DNAH10: variants seen among roughly 807,000 people sequenced by gnomAD.
DNAH10 encodes dynein axonemal heavy chain 10.
A neutral mutation model predicts 506.6 loss-of-function variants in DNAH10; 348 were observed. The ratio of observed to expected loss-of-function variants is 0.69; its 90% CI spans 0.63 to 0.75. DNAH10 has a LOEUF of 0.75. DNAH10 is among the 30% of genes least tolerant of loss of function. The pLI is 0.00. For missense variants in DNAH10, 5,179 were observed against 5,787.1 expected, an observed-to-expected ratio of 0.89 and a Z score of 3.41; for synonymous variants, 2,059 against 2,198.6, an observed-to-expected ratio of 0.94 and a Z score of 1.78.
At position 123,762,388 on chromosome 12, in the gene DNAH10, G is replaced by A. The variant is rs1593932323; in HGVS notation, c.52G>A (p.Gly18Ser). Reference sequence around the variant, plus strand: ...GCGCGACCGCGTGTATGCGGCTTTCGGCATCACCGACCCCCAGCTTTTCGA... The same window carrying A: ...GCGCGACCGCGTGTATGCGGCTTTCAGCATCACCGACCCCCAGCTTTTCGA... ...WMRDRVYAAFGITDPQLFEDL... is the reference protein window; with the variant it reads ...WMRDRVYAAFSITDPQLFEDL... Residue 18 changes from glycine (G) to serine (S), a missense_variant, in exon 1 of 79, where the codon GGC becomes AGC. By Grantham distance (56) the Gly-to-Ser change is moderately conservative. Around this residue, in one of 3 missense-constraint regions of DNAH10, gnomAD observed 326 missense variants for 330.8 expected, o/e 0.99. Transcript: ENST00000673944. This position sits in a 1 kb window ranked among gnomAD's most constrained non-coding sequence, Gnocchi z 5.0. 2.9e-6 allele frequency: 4 copies of A among 1,385,556 alleles called. No individual in the cohort carries two copies. The East Asian group carries it at 8.8e-5, about 31-fold the overall frequency. The allele number at this position is 1,385,556 out of a possible 1,614,324, so 85.8% of individuals were successfully genotyped here.
chr12:123,838,538 G>A lies in DNAH10; in HGVS notation c.4985G>A (p.Ser1662Asn). ...CGCCTCAGTGACCTACAGAACGTCA[G>A]CGAGGGCCTGGAGAAATGCCAGAAA... ...PNRLSDLQNVSEGLEKCQKSL... is the reference protein window; with the variant it reads ...PNRLSDLQNVNEGLEKCQKSL... Residue 1662 changes from serine to asparagine, a missense_variant, in exon 29 of 79, where the codon AGC becomes AAC. By Grantham distance (46) the Ser-to-Asn change is conservative. Coordinates refer to ENST00000673944, the MANE Select transcript of DNAH10 (RefSeq NM_001372106.1). 1 of 1,614,044 alleles carries A rather than the reference G, an allele frequency of 6.2e-7. No individual in the cohort carries two copies. The highest frequency in any genetic ancestry group is 8.5e-7 in the Non-Finnish European group (1 of 1,179,898).
chr12:123,843,015 G>A (rs968203859), intron 30 of DNAH10, among the ~76,000 whole-genome samples: 19 of 152,148 alleles, frequency 1.2e-4, no homozygotes, highest in African/African-American at 4.6e-4. Flanking sequence ...TATCTTTTCT[G>A]CTCCAAAATA....
In DNAH10 at chr12:123,909,844, A is replaced by G. The variant is rs553345700; in HGVS notation, c.9997+402A>G. ...CCCCTTTCTCCTCTTGTCAGTGTCAAGTCTTCTGGAGGTCCCTGGGGAGTG... is the reference window on the plus strand; with the variant it reads ...CCCCTTTCTCCTCTTGTCAGTGTCAGGTCTTCTGGAGGTCCCTGGGGAGTG... On this transcript the variant is annotated intron_variant, in intron 58 of 78. Coordinates refer to ENST00000673944, the MANE Select transcript of DNAH10 (RefSeq NM_001372106.1). The surrounding 1 kb of genome is among the most constrained non-coding windows in gnomAD (Gnocchi z 5.4). 1.3e-5 allele frequency among the ~76,000 whole-genome samples: 2 copies of G among 152,220 alleles called. No homozygotes were observed. Among genetic ancestry groups the G allele is most frequent in the Non-Finnish European group, 2.9e-5 (2 of 67,992 alleles).
In DNAH10 at chr12:123,873,627, G is replaced by T; in HGVS notation, c.7855G>T (p.Val2619Leu). The T allele has an allele frequency of 6.2e-7, 1 of 1,613,938 alleles. No individual in the cohort carries two copies. Among genetic ancestry groups the T allele is most frequent in the Non-Finnish European group, 8.5e-7 (1 of 1,179,862 alleles). Residue 2619 changes from valine (V) to leucine (L), a missense_variant, in exon 46 of 79, where the codon GTG becomes TTG. This residue lies in a region of DNAH10 where 4,844 missense variants were observed against 5,430.5 expected (regional missense o/e 0.89). Transcript: ENST00000673944. ...MDIQRNLEAN[V>L]EKRTKDTYGP... ...TATCCAAAGAAATTTAGAAGCAAAT[G>T]TGGAAAAGCGAACCAAAGATACTTA...
intron 42 of DNAH10, 116 bp from the exon 43 acceptor site, chr12:123,867,778 TGAACCAACA>T: frequency 7.5e-7 from 1 of 1,327,492 alleles, no homozygotes; most frequent in Admixed American, 2.3e-5. Context: ...TCCATCTGTC[TGAACCAACA>T]TGTTGGGTCT....
intron 25 of DNAH10, 129 bp from the exon 26 acceptor site, chr12:123,830,417 T>A: frequency 9.5e-7 from 1 of 1,052,390 alleles, no homozygotes; most frequent in South Asian, 1.7e-5. Flanking sequence ...TCTAATGATG[T>A]CCTCATGTTG....
At chr12:123,786,249 G>A (rs369383952) in intron 9 of DNAH10, among the ~76,000 whole-genome samples, 102 of 151,678 alleles carry the variant, frequency 6.7e-4, no homozygotes, top group African/African-American at 2.3e-3. Context: ...CCTGGGAGGC[G>A]GAGGTTGCAG....
At chr12:123,871,182 G>T (rs139200887) in intron 44 of DNAH10, among the ~76,000 whole-genome samples, 3 of 152,342 alleles carry the variant, frequency 2.0e-5, no homozygotes, top group African/African-American at 7.2e-5. Context: ...CAACAAAGAA[G>T]CTGAGTTTTT....
Position 123,838,572 on chromosome 12 carries a change from C to T in DNAH10, c.5019C>T (p.Asn1673=), listed in dbSNP as rs372428661. 7 of 1,613,916 alleles carry T rather than the reference C, an allele frequency of 4.3e-6. No individual in the cohort carries two copies. Among genetic ancestry groups the T allele is most frequent in the Middle Eastern group, 1.6e-4 (1 of 6,084 alleles). Residue 1673 remains asparagine (N), a synonymous_variant, in exon 29 of 79, where the codon AAC becomes AAT. Transcript: ENST00000673944. ...TGGAGAAATGCCAGAAAAGCCTCAA[C>T]GACTACTTAGATTCGAAGAGAAATG... ...EGLEKCQKSL[N]DYLDSKRNAF...
chr12:123,861,321 G>A (rs182922637), intron 39 of DNAH10, among the ~76,000 whole-genome samples, 151 bp downstream of exon 39: 6 of 152,208 alleles, frequency 3.9e-5, no homozygotes, highest in Non-Finnish European at 7.3e-5. Context: ...TCGGAAGTGC[G>A]CAGTCCAATC....
intron 21 of DNAH10, among the ~76,000 whole-genome samples, chr12:123,816,554 C>G (rs1289235458): frequency 6.6e-6 from 1 of 152,200 alleles, no homozygotes; most frequent in African/African-American, 2.4e-5. Context: ...TTATGCGTCT[C>G]TTTCGTTTGG....
rs1329086406 is a variant in DNAH10 at position 123,910,629 on chromosome 12, G to A, written c.10091G>A (p.Gly3364Asp). ...CTGAAATTTGTTGAAGCTGTAATGG[G>A]CTACTGTGATGTTTTCAGAGAAATC... ...GMLKFVEAVM[G>D]YCDVFREIKP... Residue 3364 changes from glycine to aspartate, a missense_variant, in exon 59 of 79, where the codon GGC becomes GAC. Physicochemically the swap from Gly to Asp is moderately conservative, Grantham distance 94. This residue lies in a region of DNAH10 where 4,844 missense variants were observed against 5,430.5 expected (regional missense o/e 0.89). Coordinates refer to ENST00000673944, the MANE Select transcript of DNAH10 (RefSeq NM_001372106.1). 2.5e-6 allele frequency: 4 copies of A among 1,611,672 alleles called. No homozygotes were observed. The highest frequency in any genetic ancestry group is 4.5e-5 in the East Asian group (2 of 44,894).
intron 61 of DNAH10, 138 bp downstream of exon 61, chr12:123,914,688 G>A (rs964514547): frequency 1.2e-5 from 16 of 1,385,440 alleles, no homozygotes; most frequent in South Asian, 8.6e-5. Flanking sequence ...GGAAGTGGCC[G>A]GGCAAGCTGC....
chr12:123,807,803 GGA>G (rs1187909956), intron 18 of DNAH10, among the ~76,000 whole-genome samples: 3 of 129,576 alleles, frequency 2.3e-5, no homozygotes, highest in African/African-American at 5.8e-5. Flanking sequence ...AGGCAGAGGG[GGA>G]GAGAGAGAGA....
Position 123,913,211 on chromosome 12 carries a change from C to A in DNAH10, c.10248C>A (p.Ala3416=). The A allele has an allele frequency of 1.9e-6, 3 of 1,610,060 alleles. No homozygotes were observed. The highest frequency in any genetic ancestry group is 2.2e-5 in the East Asian group (1 of 44,794). Residue 3416 remains alanine, a synonymous_variant, in exon 60 of 79, where the codon GCC becomes GCA. Coordinates refer to ENST00000673944, the MANE Select transcript of DNAH10 (RefSeq NM_001372106.1). This position sits in a 1 kb window ranked among gnomAD's most constrained non-coding sequence, Gnocchi z 5.1. ...AAACATTGGGTGCCAAATATGAGGC[C>A]GCCATACTGGAAAAGCAGAAGCTGC... ...ELETLGAKYE[A]AILEKQKLQE...
At position 123,837,626 on chromosome 12, in the gene DNAH10, G is replaced by A. The variant is rs554276803; in HGVS notation, c.4903-830G>A. 5.3e-5 allele frequency among the ~76,000 whole-genome samples: 8 copies of A among 150,278 alleles called. No individual in the cohort carries two copies. In the East Asian group the frequency reaches 1.6e-3, roughly 29 times the overall value. ...AGGTCTTGCCTTGTTGCCCAAGCTG[G>A]AGTGCAGTGGTGTGATCATAGCTCA... On this transcript the variant is annotated intron_variant, in intron 28 of 78. Transcript: ENST00000673944.
At position 123,917,242 on chromosome 12, in the gene DNAH10, A is replaced by G. The variant is rs2073728712; in HGVS notation, c.11003-342A>G. 6.6e-6 allele frequency among the ~76,000 whole-genome samples: 1 copy of G among 152,130 alleles called. No individual in the cohort carries two copies. Among genetic ancestry groups the G allele is most frequent in the African/African-American group, 2.4e-5 (1 of 41,426 alleles). ...GTCTGGGCTCAAACTTCTGGGCTCA[A>G]GTGATCCTCCTGCCTCTGCCTCCCA... On this transcript the variant is annotated intron_variant, in intron 63 of 78. Coordinates refer to ENST00000673944, the MANE Select transcript of DNAH10 (RefSeq NM_001372106.1). This position sits in a 1 kb window ranked among gnomAD's most constrained non-coding sequence, Gnocchi z 5.6.
Position 123,804,916 on chromosome 12 carries a change from C to A in DNAH10, c.2863C>A (p.Pro955Thr). 6.2e-7 allele frequency: 1 copy of A among 1,614,018 alleles called. No individual in the cohort carries two copies. Among genetic ancestry groups the A allele is most frequent in the Non-Finnish European group, 8.5e-7 (1 of 1,180,042 alleles). The change falls in exon 18 of 79, where the codon CCA becomes ACA. Residue 955 changes from proline to threonine, a missense_variant. This residue lies in a region of DNAH10 where 4,844 missense variants were observed against 5,430.5 expected (regional missense o/e 0.89). Coordinates refer to ENST00000673944, the MANE Select transcript of DNAH10 (RefSeq NM_001372106.1). ...HMVRWYLAIG[P>T]LLTKVEGLVV... ...GGTCCGGTGGTATCTTGCCATTGGA[C>A]CACTGCTGACCAAAGTTGAGGGCCT...
chr12:123,841,203 C>G, intron 29 of DNAH10, 119 bp from the exon 30 acceptor site: 1 of 1,015,568 alleles, frequency 9.8e-7, no homozygotes, highest in Non-Finnish European at 1.5e-6. Flanking sequence ...CCTGCGATCT[C>G]GGCTCACCGG....
Sources: allele counts gnomAD v4.1 joint callset (sites outside exome capture counted in the v4.1 genomes callset), GRCh38; gene constraint gnomAD v4.1.1; regional missense constraint gnomAD v4.1.1; non-coding constraint Gnocchi (gnomAD v3.1); transcripts MANE v1.5; gene names NCBI Gene and HGNC (gene_info 2026-07-23, HGNC 2026-07-21).